The following DECR1 variants were observed in gnomAD, a reference collection of about 807,000 sequenced individuals.
DECR1 encodes the protein 2,4-dienoyl-CoA reductase [(3E)-enoyl-CoA-producing], mitochondrial.
In DECR1, 44 loss-of-function variants were observed where a neutral mutation model predicts 38.8. That is an observed-to-expected ratio of 1.13 (90% CI 0.89 to 1.46). The LOEUF is 1.46. Ranked by LOEUF, DECR1 falls within the 40% of genes most tolerant of loss-of-function variation. DECR1 has a pLI of 0.00. For synonymous variants in DECR1, 148 were observed against 135.2 expected, an observed-to-expected ratio of 1.09 and a Z score of -0.66; for missense variants, 428 against 405.5, an observed-to-expected ratio of 1.06 and a Z score of -0.48.
chr8:90,047,920 G>A (rs901954120), intron 8 of DECR1, among the ~76,000 whole-genome samples: 4 of 152,220 alleles, frequency 2.6e-5, no homozygotes, highest in African/African-American at 9.6e-5. Flanking sequence ...TGAACAACCT[G>A]TTCCTGAATG....
intron 1 of DECR1, among the ~76,000 whole-genome samples, chr8:90,009,864 C>T (rs1047312268): frequency 6.6e-6 from 1 of 152,188 alleles, no homozygotes; most frequent in African/African-American, 2.4e-5. Flanking sequence ...GGAGAAGCAT[C>T]TGTTCAGTCT....
At chr8:90,030,160 G>A (rs1317834312) in intron 5 of DECR1, among the ~76,000 whole-genome samples, 1 of 152,114 alleles carries the variant, frequency 6.6e-6, no homozygotes, top group East Asian at 1.9e-4. Context: ...GCGCTCCTAT[G>A]ATAACCTAAT....
chr8:90,044,569 A>G (rs1311907971), intron 7 of DECR1, among the ~76,000 whole-genome samples: 1 of 152,210 alleles, frequency 6.6e-6, no homozygotes, highest in Admixed American at 6.5e-5. Flanking sequence ...ATTTCAGGAT[A>G]CCTTTATATA....
At chr8:90,043,360 A>G (rs1360570490) in intron 7 of DECR1, among the ~76,000 whole-genome samples, 36 of 152,192 alleles carry the variant, frequency 2.4e-4, no homozygotes, top group Admixed American at 2.2e-3. Flanking sequence ...GATTTCACCT[A>G]TAAGTAATAA....
At chr8:90,021,996 CACTT>C (rs1390880151) in intron 5 of DECR1, among the ~76,000 whole-genome samples, 1 of 152,168 alleles carries the variant, frequency 6.6e-6, no homozygotes, top group African/African-American at 2.4e-5. Flanking sequence ...ACCTGACAGA[CACTT>C]ACTAATGACT....
chr8:90,044,974 T>G lies in DECR1; in HGVS notation c.864T>G (p.Tyr288Ter). The part of the protein sequence containing the change: ...ANLAAFLCSD[Y>*]ASWINGAVIK... ...TTGCTGCTTTCCTTTGTAGTGATTA[T>G]GCTTCTTGGATTAATGGAGCAGTAA... Residue 288 changes from tyrosine (Y) to a stop codon, truncating the protein, a stop_gained, in exon 8 of 10, where the codon TAT (tyrosine) becomes TAG (stop). Coordinates refer to ENST00000220764, the MANE Select transcript of DECR1 (RefSeq NM_001359.2). LOFTEE classifies it high-confidence loss of function. 6.8e-6 allele frequency: 11 copies of G among 1,614,042 alleles called. No homozygotes were observed. Among genetic ancestry groups the G allele is most frequent in the Non-Finnish European group, 9.3e-6 (11 of 1,179,934 alleles).
At chr8:90,009,469 G>A (rs1292773516) in intron 1 of DECR1, among the ~76,000 whole-genome samples, 1 of 150,896 alleles carries the variant, frequency 6.6e-6, no homozygotes, top group African/African-American at 2.4e-5. Context: ...ATTCCCCCAA[G>A]GATAATCTTG....
chr8:90,027,891 A>C (rs1813393622), intron 5 of DECR1, among the ~76,000 whole-genome samples: 1 of 152,010 alleles, frequency 6.6e-6, no homozygotes, highest in Admixed American at 6.6e-5. Context: ...TTAATTTTTG[A>C]ATATTGAACA....
rs1222920701 is a variant in DECR1 at position 90,005,237 on chromosome 8, G to C, written c.69+3676G>C. 8 of 439,628 alleles carry C rather than the reference G, an allele frequency of 1.8e-5. No homozygotes were observed. The East Asian group carries it at 5.6e-4, about 31-fold the overall frequency. 27.2% of individuals were successfully genotyped at this position (439,628 alleles called of 1,614,324 possible). ...GATCAGTCAGGTTGCTGGGGGACAG[G>C]GTATGGTGGGCTTTTCTTATTTATG... On this transcript the variant is annotated intron_variant, in intron 1 of 9. Coordinates refer to ENST00000220764, the MANE Select transcript of DECR1 (RefSeq NM_001359.2).
chr8:90,005,990 G>C (rs1812728947), intron 1 of DECR1: 3 of 560,154 alleles, frequency 5.4e-6, no homozygotes, highest in South Asian at 2.2e-5. Flanking sequence ...TTCACAACCT[G>C]CTTTAGTGGG....
intron 6 of DECR1, among the ~76,000 whole-genome samples, chr8:90,039,412 G>C (rs941401285): frequency 6.6e-6 from 1 of 152,144 alleles, no homozygotes; most frequent in South Asian, 2.1e-4. Flanking sequence ...CAAGTGAAGG[G>C]GTAAGCCCCT....
intron 5 of DECR1, among the ~76,000 whole-genome samples, chr8:90,025,891 G>A (rs143109089): frequency 0.015 from 2,249 of 152,172 alleles, 26 homozygotes; most frequent in African/African-American, 0.019. Context: ...TTTGAGATAC[G>A]TCCCATCAAT....
At chr8:90,045,818 C>T (rs1003237840) in intron 8 of DECR1, among the ~76,000 whole-genome samples, 2 of 152,154 alleles carry the variant, frequency 1.3e-5, no homozygotes, top group Non-Finnish European at 2.9e-5. Flanking sequence ...CAGCCAGGTG[C>T]CCCTCTGAGA....
In DECR1 at chr8:90,001,491, A is replaced by G; in HGVS notation, c.-2A>G. 1 of 1,614,022 alleles carries G rather than the reference A, an allele frequency of 6.2e-7. No individual in the cohort carries two copies. The highest frequency in any genetic ancestry group is 8.5e-7 in the Non-Finnish European group (1 of 1,179,904). The stretch of plus-strand genomic sequence containing the variant: ...TTCCGGCCCGAGTTCTGGAGACTCA[A>G]CATGAAGCTACCGGCCAGGGTTTTC... On this transcript the variant is annotated 5_prime_UTR_variant, in exon 1 of 10. Transcript: ENST00000220764.
intron 1 of DECR1, among the ~76,000 whole-genome samples, chr8:90,012,488 A>G (rs1483135237): frequency 6.6e-6 from 1 of 152,042 alleles, no homozygotes; most frequent in Admixed American, 6.6e-5. Context: ...GGCTTATTCT[A>G]ATGTTTAAGA....
Position 90,042,723 on chromosome 8 carries a change from T to G in DECR1, c.666-5T>G. On this transcript the variant is annotated splice_polypyrimidine_tract_variant and splice_region_variant and intron_variant, in intron 6 of 9. Transcript: ENST00000220764. ...AGAATGTATGTTGTTGATTTTAATT[T>G]TTAGGTCTCTTGCAGCTGAATGGGG... 1 of 1,612,740 alleles carries G rather than the reference T, an allele frequency of 6.2e-7. No individual in the cohort carries two copies. The highest frequency in any genetic ancestry group is 8.5e-7 in the Non-Finnish European group (1 of 1,179,006).
chr8:90,047,597 G>T (rs1299001646), intron 8 of DECR1, among the ~76,000 whole-genome samples: 1 of 151,940 alleles, frequency 6.6e-6, no homozygotes, highest in East Asian at 1.9e-4. Context: ...AGACTTTAAC[G>T]CCCCACTGTC....
intron 2 of DECR1, among the ~76,000 whole-genome samples, chr8:90,018,036 G>A (rs1051984078): frequency 6.6e-6 from 1 of 152,100 alleles, no homozygotes; most frequent in Admixed American, 6.5e-5. Flanking sequence ...ACAGGCGCCT[G>A]CCACCACACC....
At chr8:90,004,534 A>G (rs985837852) in intron 1 of DECR1, among the ~76,000 whole-genome samples, 8 of 152,150 alleles carry the variant, frequency 5.3e-5, no homozygotes, top group African/African-American at 1.9e-4. Context: ...TGGTAAAAGG[A>G]TGGATAGGCA....
Sources: allele counts gnomAD v4.1 joint callset (sites outside exome capture counted in the v4.1 genomes callset), GRCh38; gene constraint gnomAD v4.1.1; transcripts MANE v1.5; gene names NCBI Gene and HGNC (gene_info 2026-07-23, HGNC 2026-07-21).